Variants in SCNN1G observed in about 807,000 individuals in gnomAD.
SCNN1G encodes the protein sodium channel epithelial 1 subunit gamma.
Under a neutral mutation model 64.6 loss-of-function variants are expected in SCNN1G, and 27 were observed. The observed-to-expected ratio is 0.42, with a 90% CI of 0.31 to 0.58. The LOEUF (loss-of-function observed/expected upper bound fraction) is 0.58, where lower values mean the gene tolerates loss of function less well. Among genes scored for constraint, SCNN1G ranks in the 20% least tolerant of loss-of-function variants. SCNN1G has a pLI of 0.18. For missense variants in SCNN1G, 743 were observed against 823.4 expected (o/e 0.90, Z 1.19); for synonymous variants, 330 against 314.2 (o/e 1.05, Z -0.53).
chr16:23,206,090 C>T (rs976396199), intron 6 of SCNN1G, among the ~76,000 whole-genome samples: 5 of 152,312 alleles, frequency 3.3e-5, no homozygotes, highest in Non-Finnish European at 5.9e-5. Flanking sequence ...CCGCCCACCC[C>T]GCTGTGATGG....
At chr16:23,212,302 C>A in intron 8 of SCNN1G, 151 bp downstream of exon 8, 1 of 706,780 alleles carries the variant, frequency 1.4e-6, no homozygotes, top group Non-Finnish European at 2.6e-6. Context: ...CTTCTGTTGT[C>A]AAGCCTGGCT....
At chr16:23,194,142 C>T in intron 4 of SCNN1G, 29 bp from the exon 5 acceptor site, 1 of 1,484,610 alleles carries the variant, frequency 6.7e-7, no homozygotes, top group Non-Finnish European at 9.4e-7. Context: ...GGGGGAGATC[C>T]CTTTCTGACC....
At position 23,215,628 on chromosome 16, in the gene SCNN1G, T is replaced by A; in HGVS notation, c.*159T>A. On this transcript the variant is annotated 3_prime_UTR_variant, in exon 13 of 13. Transcript: ENST00000300061. ...CTGCTTTAAACCGCAAGATGGGGCC[T>A]GGGCATGCGCAGGAGGAGCCATCGG... The A allele has an allele frequency of 3.8e-6, 3 of 786,004 alleles. No individual in the cohort carries two copies. The highest frequency in any genetic ancestry group is 6.3e-6 in the Non-Finnish European group (3 of 476,524). 48.7% of individuals were successfully genotyped at this position (786,004 alleles called of 1,614,324 possible).
rs886051800 is a variant in SCNN1G at position 23,192,396 on chromosome 16, G to A, written c.663G>A (p.Ser221=). 1.9e-6 allele frequency: 3 copies of A among 1,614,102 alleles called. No homozygotes were observed. The highest frequency in any genetic ancestry group is 1.1e-5 in the South Asian group (1 of 91,078). Reference sequence around the variant, plus strand: ...ACTGTGCCACCTACACCTTCAGCTCGGGAATCAATGCCATTCAGGAGTGGT... The same window carrying A: ...ACTGTGCCACCTACACCTTCAGCTCAGGAATCAATGCCATTCAGGAGTGGT... ...TSDCATYTFS[S]GINAIQEWYK... is the part of the protein sequence containing the mutation. The change falls in exon 4 of 13, where the codon TCG becomes TCA. Residue 221 remains serine (S), a synonymous_variant. Transcript: ENST00000300061.
In SCNN1G at chr16:23,215,588, C is replaced by A; in HGVS notation, c.*119C>A. On this transcript the variant is annotated 3_prime_UTR_variant, in exon 13 of 13. Coordinates refer to ENST00000300061, the MANE Select transcript of SCNN1G (RefSeq NM_001039.4). Reference sequence around the variant, plus strand: ...TGCCCCACTCTGGGCTTTTCAGATACTCTGACCAAAAAGCCTGCTTTAAAC... The same window carrying A: ...TGCCCCACTCTGGGCTTTTCAGATAATCTGACCAAAAAGCCTGCTTTAAAC... The A allele has an allele frequency of 1.6e-6, 2 of 1,284,378 alleles. No homozygotes were observed. The highest frequency in any genetic ancestry group is 1.1e-6 in the Non-Finnish European group (1 of 904,978). 79.6% of individuals were successfully genotyped at this position (1,284,378 alleles called of 1,614,324 possible). A position where few individuals can be genotyped will look rare whatever the true frequency, so the allele number is the denominator to read the frequency against.
intron 6 of SCNN1G, among the ~76,000 whole-genome samples, chr16:23,205,446 T>C: frequency 6.6e-6 from 1 of 152,058 alleles, no homozygotes; most frequent in South Asian, 2.1e-4. Flanking sequence ...GGCTCATGCC[T>C]GTAATCTTTG....
In SCNN1G at chr16:23,202,559, A is replaced by G. The variant is rs139287278; in HGVS notation, c.1077+5132A>G. Among the ~76,000 whole-genome samples the G allele has an allele frequency of 6.1e-3, 933 of 152,328 alleles. 6 individuals are homozygous for G. Among genetic ancestry groups the G allele is most frequent in the Non-Finnish European group, 0.011 (744 of 68,032 alleles). ...GGAGTTTATTTAAGCTGTGTAGAGA[A>G]ACTTTTCAAAAAATCATTTTAGTGG... On this transcript the variant is annotated intron_variant, in intron 6 of 12. Coordinates refer to ENST00000300061, the MANE Select transcript of SCNN1G (RefSeq NM_001039.4).
intron 7 of SCNN1G, among the ~76,000 whole-genome samples, chr16:23,210,382 G>A (rs755268758): frequency 2.6e-5 from 4 of 152,100 alleles, no homozygotes; most frequent in African/African-American, 7.2e-5. Flanking sequence ...CCAGCCTCTC[G>A]AAAAAATGAA....
chr16:23,211,301 C>T (rs2141944233), intron 7 of SCNN1G, among the ~76,000 whole-genome samples: 1 of 152,320 alleles, frequency 6.6e-6, no homozygotes, highest in African/African-American at 2.4e-5. Context: ...CTATAAGCTC[C>T]ATGGATATTG....
chr16:23,210,239 AC>A (rs1443053182), intron 7 of SCNN1G, among the ~76,000 whole-genome samples: 16 of 152,304 alleles, frequency 1.1e-4, no homozygotes, highest in Middle Eastern at 6.8e-3. Context: ...CTCAGCAACC[AC>A]AAGGGGAGGT....
At position 23,206,810 on chromosome 16, in the gene SCNN1G, C is replaced by G. The variant is rs145322718; in HGVS notation, c.1078-2940C>G. On this transcript the variant is annotated intron_variant, in intron 6 of 12. Coordinates refer to ENST00000300061, the MANE Select transcript of SCNN1G (RefSeq NM_001039.4). Reference sequence around the variant, plus strand: ...ACCTATGTGTGCACACACATACACACTTTTACATGCATAAGTGTATGCATA... The same window carrying G: ...ACCTATGTGTGCACACACATACACAGTTTTACATGCATAAGTGTATGCATA... Among the ~76,000 whole-genome samples, 273 of 152,254 alleles carry G rather than the reference C, an allele frequency of 1.8e-3. 1 individual carries two copies. The highest frequency in any genetic ancestry group is 5.9e-3 in the African/African-American group (247 of 41,550).
intron 2 of SCNN1G, among the ~76,000 whole-genome samples, chr16:23,187,013 G>T (rs932661325): frequency 1.3e-5 from 2 of 151,888 alleles, no homozygotes; most frequent in Non-Finnish European, 2.9e-5. Context: ...GCTTGGCCAG[G>T]CTGGTCTTGA....
chr16:23,204,110 C>T (rs1198035732), intron 6 of SCNN1G, among the ~76,000 whole-genome samples: 3 of 150,624 alleles, frequency 2.0e-5, no homozygotes, highest in Non-Finnish European at 4.4e-5. Flanking sequence ...GACACCCCAT[C>T]TCTACAAAAA....
intron 11 of SCNN1G, 89 bp downstream of exon 11, chr16:23,213,252 C>A: frequency 1.1e-5 from 6 of 533,842 alleles, no homozygotes; most frequent in African/African-American, 2.3e-5. Context: ...GCCAAATCCT[C>A]TTTTTTTTTT....
At chr16:23,204,140 G>A (rs914774073) in intron 6 of SCNN1G, among the ~76,000 whole-genome samples, 8 of 150,646 alleles carry the variant, frequency 5.3e-5, no homozygotes, top group South Asian at 2.1e-4. Flanking sequence ...TTAGCCAGCC[G>A]TGGTGGCACA....
chr16:23,204,465 A>C (rs1417488284), intron 6 of SCNN1G, among the ~76,000 whole-genome samples: 1 of 145,334 alleles, frequency 6.9e-6, no homozygotes, highest in Admixed American at 7.0e-5. Context: ...GAAGGTTTCT[A>C]TTGTCTTTTT....
In SCNN1G at chr16:23,215,390, C is replaced by T; in HGVS notation, c.1871C>T (p.Pro624Leu). The part of the protein sequence containing the change: ...ALGTQVPGTP[P>L]PKYNTLRLER... ...GGAACCCAAGTGCCCGGCACACCGC[C>T]CCCCAAATACAATACCTTGCGCTTG... Residue 624 changes from proline to leucine, a missense_variant, in exon 13 of 13, where the codon CCC (proline) becomes CTC (leucine). Coordinates refer to ENST00000300061, the MANE Select transcript of SCNN1G (RefSeq NM_001039.4). 1 of 1,614,092 alleles carries T rather than the reference C, an allele frequency of 6.2e-7. No individual in the cohort carries two copies. Among genetic ancestry groups the T allele is most frequent in the Non-Finnish European group, 8.5e-7 (1 of 1,180,024 alleles).
chr16:23,213,159 A>T lies in SCNN1G; in HGVS notation c.1489A>T (p.Asn497Tyr). 1 of 1,610,848 alleles carries T rather than the reference A, an allele frequency of 6.2e-7. No homozygotes were observed. Among genetic ancestry groups the T allele is most frequent in the South Asian group, 1.1e-5 (1 of 90,980 alleles). Residue 497 changes from asparagine (N) to tyrosine (Y), a missense_variant, in exon 11 of 13, where the codon AAC (asparagine) becomes TAC (tyrosine). Transcript: ENST00000300061. ...DQGRQVNKKL[N>Y]KTDLAKLLIF... ...AGGCCGGCAAGTAAACAAAAAGCTC[A>T]ACAAGTAAGTTACCTCTACCCTGTT...
chr16:23,198,680 A>T (rs1959836837), intron 6 of SCNN1G, among the ~76,000 whole-genome samples: 1 of 151,392 alleles, frequency 6.6e-6, no homozygotes, highest in South Asian at 2.1e-4. Context: ...TCGAGGCTTC[A>T]GTGAGCCATG....
Sources: allele counts gnomAD v4.1 joint callset (sites outside exome capture counted in the v4.1 genomes callset), GRCh38; gene constraint gnomAD v4.1.1; transcripts MANE v1.5; gene names NCBI Gene and HGNC (gene_info 2026-07-23, HGNC 2026-07-21).